The following GRID2 variants were observed in gnomAD, a reference collection of about 807,000 sequenced individuals.
GRID2 encodes the protein glutamate ionotropic receptor delta type subunit 2, also known as glutamate receptor ionotropic, delta-2.
In GRID2, 33 loss-of-function variants were observed where a neutral mutation model predicts 114.8. The observed-to-expected ratio is 0.29, with a 90% confidence interval of 0.22 to 0.38. GRID2 has a LOEUF of 0.38. GRID2 is among the 10% of genes least tolerant of loss of function. GRID2 has a pLI of 1.00. For missense variants in GRID2, 1,184 were observed against 1,257.7 expected, an observed-to-expected ratio of 0.94 and a Z score of 0.89; for synonymous variants, 505 against 449.9, an observed-to-expected ratio of 1.12 and a Z score of -1.55.
chr4:93,655,433 T>C (rs560508909), intron 14 of GRID2, among the ~76,000 whole-genome samples: 3 of 151,922 alleles, frequency 2.0e-5, no homozygotes, highest in Non-Finnish European at 4.4e-5. Context: ...ACATGAAAAA[T>C]CTCTAACAGA....
At chr4:93,100,263 T>C (rs1322761544) in intron 3 of GRID2, among the ~76,000 whole-genome samples, 1 of 151,874 alleles carries the variant, frequency 6.6e-6, no homozygotes, top group African/African-American at 2.4e-5. Context: ...TCACAAGCTA[T>C]TATCAAATAG....
chr4:93,444,761 G>A (rs896163363), intron 10 of GRID2, among the ~76,000 whole-genome samples: 3 of 152,086 alleles, frequency 2.0e-5, no homozygotes, highest in East Asian at 3.9e-4. Flanking sequence ...GAAAGATTGG[G>A]TAGGGATAAA....
At chr4:93,577,618 C>T (rs1260164162) in intron 13 of GRID2, among the ~76,000 whole-genome samples, 1 of 152,072 alleles carries the variant, frequency 6.6e-6, no homozygotes, top group Non-Finnish European at 1.5e-5. Context: ...ATGCTATGTG[C>T]CAGACCACAG....
intron 12 of GRID2, among the ~76,000 whole-genome samples, chr4:93,507,018 C>T (rs1420085407): frequency 6.6e-6 from 1 of 152,180 alleles, no homozygotes; most frequent in Non-Finnish European, 1.5e-5. Context: ...TCTGAGAGAA[C>T]CCTATGTCTT....
chr4:92,778,339 A>G (rs1349236562), intron 2 of GRID2, among the ~76,000 whole-genome samples: 1 of 152,076 alleles, frequency 6.6e-6, no homozygotes, highest in East Asian at 1.9e-4. Flanking sequence ...GTTTTCATGA[A>G]ATGTTAAACC....
At chr4:93,670,687 A>C (rs1205207925) in intron 14 of GRID2, among the ~76,000 whole-genome samples, 1 of 152,212 alleles carries the variant, frequency 6.6e-6, no homozygotes, top group Non-Finnish European at 1.5e-5. Flanking sequence ...AGTTCTAGGC[A>C]AGTAGCCTAG....
At chr4:93,514,817 G>T (rs566234309) in intron 12 of GRID2, among the ~76,000 whole-genome samples, 63 of 152,214 alleles carry the variant, frequency 4.1e-4, no homozygotes, top group African/African-American at 1.4e-3. Flanking sequence ...GCCTTGCTAC[G>T]TAAAGGAATG....
At chr4:93,726,465 C>A (rs905492984) in intron 14 of GRID2, among the ~76,000 whole-genome samples, 1 of 152,180 alleles carries the variant, frequency 6.6e-6, no homozygotes, top group Admixed American at 6.5e-5. Context: ...CTTGGCAATG[C>A]AGGCTCTTTT....
chr4:93,010,416 A>G (rs544007444), intron 2 of GRID2, among the ~76,000 whole-genome samples: 2 of 152,124 alleles, frequency 1.3e-5, no homozygotes, highest in South Asian at 2.1e-4. Flanking sequence ...TTACGGGTTT[A>G]TTGCAAAAGG....
rs191641042 is a variant in GRID2 at position 93,677,647 on chromosome 4, C to T, written c.2360+51212C>T. Among the ~76,000 whole-genome samples, 934 of 152,194 alleles carry T rather than the reference C, an allele frequency of 6.1e-3. 12 individuals are homozygous for T. Among genetic ancestry groups the T allele is most frequent in the African/African-American group, 0.021 (859 of 41,518 alleles). On this transcript the variant is annotated intron_variant, in intron 14 of 15. Coordinates refer to ENST00000282020, the MANE Select transcript of GRID2 (RefSeq NM_001510.4). Reference sequence around the variant, plus strand: ...TGAAAATCCGCGGTTCTGCAGACACCGCTGCTGATACCCAGGCAAACAGGG... The same window carrying T: ...TGAAAATCCGCGGTTCTGCAGACACTGCTGCTGATACCCAGGCAAACAGGG...
chr4:93,402,991 C>T (rs1169725745), intron 9 of GRID2, among the ~76,000 whole-genome samples: 1 of 152,102 alleles, frequency 6.6e-6, no homozygotes, highest in Admixed American at 6.6e-5. Flanking sequence ...GCGTTTGAGC[C>T]TCTTGAACCT....
At chr4:92,459,467 A>G (rs1385114116) in intron 1 of GRID2, among the ~76,000 whole-genome samples, 1 of 152,174 alleles carries the variant, frequency 6.6e-6, no homozygotes, top group Non-Finnish European at 1.5e-5. Flanking sequence ...CTTTGGAGTG[A>G]AAAGTACTAC....
At chr4:93,681,937 C>A (rs868661892) in intron 14 of GRID2, among the ~76,000 whole-genome samples, 77 of 150,702 alleles carry the variant, frequency 5.1e-4, no homozygotes, top group Admixed American at 9.2e-4. Flanking sequence ...AATGGGATCT[C>A]ATTAAACTAA....
intron 4 of GRID2, among the ~76,000 whole-genome samples, chr4:93,189,339 C>T (rs1278315714): frequency 6.6e-6 from 1 of 152,062 alleles, no homozygotes; most frequent in Non-Finnish European, 1.5e-5. Flanking sequence ...AAATTGGTGC[C>T]TTCTTACTGC....
intron 2 of GRID2, among the ~76,000 whole-genome samples, chr4:92,675,178 G>C (rs1216311248): frequency 6.6e-6 from 1 of 152,054 alleles, no homozygotes; most frequent in Admixed American, 6.5e-5. Flanking sequence ...CTGCTTCTAA[G>C]TGTGGCACTT....
intron 2 of GRID2, among the ~76,000 whole-genome samples, chr4:92,895,552 A>G (rs1747104655): frequency 6.6e-6 from 1 of 151,790 alleles, no homozygotes; most frequent in Non-Finnish European, 1.5e-5. Context: ...GGATCAATGA[A>G]AAAGGATGTA....
rs149485764 is a variant in GRID2 at position 93,236,128 on chromosome 4, C to T, written c.1126-2243C>T. Among the ~76,000 whole-genome samples, 467 of 152,110 alleles carry T rather than the reference C, an allele frequency of 3.1e-3. 2 individuals carry two copies. The highest frequency in any genetic ancestry group is 0.011 in the African/African-American group (456 of 41,512). ...TTGTAGTAATATAAGCTATATTTGTCAATCAAATTCCTACAGTATTTGTCA... is the reference window on the plus strand; with the variant it reads ...TTGTAGTAATATAAGCTATATTTGTTAATCAAATTCCTACAGTATTTGTCA... On this transcript the variant is annotated intron_variant, in intron 7 of 15. Transcript: ENST00000282020.
At chr4:93,008,160 T>C (rs1721759155) in intron 2 of GRID2, among the ~76,000 whole-genome samples, 1 of 152,064 alleles carries the variant, frequency 6.6e-6, no homozygotes, top group South Asian at 2.1e-4. Flanking sequence ...TGTAAAATCT[T>C]AACTTTCTCT....
At chr4:93,338,775 A>C (rs1759342398) in intron 8 of GRID2, among the ~76,000 whole-genome samples, 1 of 152,002 alleles carries the variant, frequency 6.6e-6, no homozygotes, top group Non-Finnish European at 1.5e-5. Flanking sequence ...CAATAATGAA[A>C]ATTTGGCTCA....
Sources: allele counts gnomAD v4.1 joint callset (sites outside exome capture counted in the v4.1 genomes callset), GRCh38; gene constraint gnomAD v4.1.1; transcripts MANE v1.5; gene names NCBI Gene and HGNC (gene_info 2026-07-23, HGNC 2026-07-21).